CSMD1: variants seen among roughly 807,000 people sequenced by gnomAD.
CSMD1 encodes CUB and sushi domain-containing protein 1.
CSMD1 carries 213 observed loss-of-function variants against 417.5 expected under a neutral mutation model. The ratio of observed to expected loss-of-function variants is 0.51; its 90% CI spans 0.46 to 0.57. CSMD1 has a LOEUF of 0.57. Ranked by LOEUF, CSMD1 falls within the 20% of genes least tolerant of loss-of-function variation. The pLI, the probability that CSMD1 is intolerant of heterozygous loss-of-function variation, is 0.00. For synonymous variants in CSMD1, 2,862 were observed against 1,736.8 expected, an observed-to-expected ratio of 1.65 and a Z score of -16.11; for missense variants, 6,923 against 4,529.7, an observed-to-expected ratio of 1.53 and a Z score of -15.17.
chr8:4,352,060 T>G (rs1333545091), intron 3 of CSMD1, among the ~76,000 whole-genome samples: 1 of 152,198 alleles, frequency 6.6e-6, no homozygotes, highest in African/African-American at 2.4e-5. Flanking sequence ...GGTCTACAAT[T>G]ATTCAGTGTT....
chr8:3,144,275 G>A (rs890606613), intron 40 of CSMD1, among the ~76,000 whole-genome samples: 1 of 144,304 alleles, frequency 6.9e-6, no homozygotes, highest in African/African-American at 2.4e-5. Flanking sequence ...TTTCTGGTTT[G>A]GTATGCCAAT....
chr8:3,849,333 G>C (rs1448564218), intron 5 of CSMD1, among the ~76,000 whole-genome samples: 4 of 152,112 alleles, frequency 2.6e-5, no homozygotes. Context: ...CCAGAATTTG[G>C]GGAGATGAAG....
At chr8:4,251,479 C>T (rs182954716) in intron 3 of CSMD1, among the ~76,000 whole-genome samples, 72 of 152,118 alleles carry the variant, frequency 4.7e-4, no homozygotes, top group African/African-American at 1.5e-3. Context: ...GTTGTAGGAG[C>T]ACATATTAGA....
rs1802801909 is a variant in CSMD1, at chr8:4,872,643, A to C, written c.85+121689T>G. On this transcript the variant is annotated intron_variant, in intron 1 of 69. Coordinates refer to ENST00000635120, the MANE Select transcript of CSMD1 (RefSeq NM_033225.6). ...CTTTACAGTGGTATGAAAACAGTCTAATACACTGCCTCAGAAATTGCGAGA... is the reference window on the plus strand; with the variant it reads ...CTTTACAGTGGTATGAAAACAGTCTCATACACTGCCTCAGAAATTGCGAGA... 2.0e-5 allele frequency among the ~76,000 whole-genome samples: 3 copies of C among 152,144 alleles called. No individual in the cohort carries two copies. In the South Asian group the frequency reaches 6.2e-4, roughly 32 times the overall value.
intron 7 of CSMD1, among the ~76,000 whole-genome samples, chr8:3,689,786 C>G (rs922524791): frequency 7.2e-5 from 11 of 152,132 alleles, no homozygotes; most frequent in Admixed American, 5.9e-4. Context: ...GTGATTTTCA[C>G]AAAGTTACAG....
At chr8:4,678,984 A>T (rs542651361) in intron 1 of CSMD1, among the ~76,000 whole-genome samples, 84 of 152,266 alleles carry the variant, frequency 5.5e-4, no homozygotes, top group African/African-American at 1.9e-3. Flanking sequence ...TGTGCTGCCG[A>T]CTCTCAACCT....
At chr8:4,949,581 C>T (rs545724563) in intron 1 of CSMD1, among the ~76,000 whole-genome samples, 1 of 152,276 alleles carries the variant, frequency 6.6e-6, no homozygotes, top group East Asian at 1.9e-4. Context: ...AGTGATGCTG[C>T]CAAAGTTCCT....
At chr8:4,373,106 C>G (rs145013165) in intron 3 of CSMD1, among the ~76,000 whole-genome samples, 1 of 152,160 alleles carries the variant, frequency 6.6e-6, no homozygotes, top group Non-Finnish European at 1.5e-5. Flanking sequence ...AAACCCCAAA[C>G]TCCAGTCTCA....
At chr8:4,848,132 G>A (rs1250655635) in intron 1 of CSMD1, among the ~76,000 whole-genome samples, 1 of 152,168 alleles carries the variant, frequency 6.6e-6, no homozygotes, top group Non-Finnish European at 1.5e-5. Flanking sequence ...GTTCATCCAT[G>A]CTGCAGCATG....
chr8:4,394,130 G>A (rs1034468572), intron 3 of CSMD1, among the ~76,000 whole-genome samples: 1 of 152,118 alleles, frequency 6.6e-6, no homozygotes, highest in African/African-American at 2.4e-5. Context: ...TATCTTCTAA[G>A]TATTATTATT....
chr8:4,083,250 A>G (rs1369071838), intron 3 of CSMD1, among the ~76,000 whole-genome samples: 1 of 152,012 alleles, frequency 6.6e-6, no homozygotes, highest in Non-Finnish European at 1.5e-5. Context: ...AAGTGTTCTT[A>G]TTTCTCCACA....
intron 25 of CSMD1, among the ~76,000 whole-genome samples, chr8:3,296,953 C>A (rs534351428): frequency 1.3e-5 from 2 of 152,106 alleles, no homozygotes; most frequent in African/African-American, 4.8e-5. Flanking sequence ...AGAAAATAAA[C>A]ATGTATGTCT....
At chr8:3,298,226 G>C (rs760190786) in intron 25 of CSMD1, among the ~76,000 whole-genome samples, 1 of 152,084 alleles carries the variant, frequency 6.6e-6, no homozygotes, top group Non-Finnish European at 1.5e-5. Context: ...GCAATTCCTG[G>C]CCTCAGTGTA....
intron 3 of CSMD1, among the ~76,000 whole-genome samples, chr8:4,139,080 C>A (rs1410159812): frequency 2.0e-5 from 3 of 152,164 alleles, no homozygotes; most frequent in African/African-American, 7.2e-5. Flanking sequence ...GCAACAATGT[C>A]TTTTACCGAC....
intron 10 of CSMD1, among the ~76,000 whole-genome samples, chr8:3,502,993 G>T (rs990653655): frequency 3.3e-5 from 5 of 152,110 alleles, no homozygotes; most frequent in African/African-American, 4.8e-5. Flanking sequence ...ATGTGTGGGG[G>T]CAGGGGGTAC....
At chr8:4,950,933 G>C (rs981815888) in intron 1 of CSMD1, among the ~76,000 whole-genome samples, 2 of 151,292 alleles carry the variant, frequency 1.3e-5, no homozygotes, top group African/African-American at 2.4e-5. Flanking sequence ...ACAAATAACT[G>C]ACCAATTACA....
chr8:3,600,274 T>C (rs1364820012), intron 8 of CSMD1, among the ~76,000 whole-genome samples: 1 of 152,236 alleles, frequency 6.6e-6, no homozygotes, highest in East Asian at 1.9e-4. Context: ...GTAAAATTCC[T>C]CATAAAATTT....
chr8:4,856,477 G>C (rs1326263951), intron 1 of CSMD1, among the ~76,000 whole-genome samples: 1 of 139,900 alleles, frequency 7.1e-6, no homozygotes, highest in Non-Finnish European at 1.5e-5. Flanking sequence ...TGGCAAATTG[G>C]ATAAATAGTC....
intron 6 of CSMD1, among the ~76,000 whole-genome samples, chr8:3,751,101 G>C (rs1247937604): frequency 6.6e-6 from 1 of 151,930 alleles, no homozygotes; most frequent in African/African-American, 2.4e-5. Flanking sequence ...TGTTCAATGA[G>C]GACCATGTGG....
Sources: gnomAD v4.1 joint callset for allele counts (sites outside exome capture counted in the v4.1 genomes callset) on GRCh38, gnomAD v4.1.1 for gene constraint, MANE v1.5 for transcripts, NCBI Gene and HGNC (gene_info 2026-07-23, HGNC 2026-07-21) for gene names.